Variants in CCSER1 observed in about 807,000 individuals in gnomAD.
The protein encoded by CCSER1 is coiled-coil serine rich protein 1, also known as serine-rich coiled-coil domain-containing protein 1.
Under a neutral mutation model 82.0 loss-of-function variants are expected in CCSER1, and 41 were observed. The observed-to-expected ratio is 0.50, with a 90% confidence interval of 0.39 to 0.65. CCSER1 has a LOEUF of 0.65. Among genes scored for constraint, CCSER1 ranks in the 30% least tolerant of loss-of-function variants. The pLI is 0.00. For missense variants in CCSER1, 1,119 were observed against 1,064.2 expected (o/e 1.05, Z -0.72); for synonymous variants, 414 against 383.9 (o/e 1.08, Z -0.92).
At chr4:90,235,060 T>G (rs1053321837) in intron 1 of CCSER1, 1 of 152,136 alleles carries the variant, frequency 6.6e-6, no homozygotes, top group African/African-American at 2.4e-5. Context: ...CTGTGTATGC[T>G]CGAGGTGCAG....
intron 10 of CCSER1, among the ~76,000 whole-genome samples, chr4:91,177,723 G>A (rs756956561): frequency 4.5e-4 from 69 of 151,868 alleles, no homozygotes; most frequent in Non-Finnish European, 9.3e-4. Flanking sequence ...TTCTTTATTA[G>A]TCTTAGCAGT....
chr4:90,797,652 T>A lies in CCSER1; in HGVS notation c.2011-18110T>A, dbSNP rs138550622. 2.9e-3 allele frequency among the ~76,000 whole-genome samples: 445 copies of A among 152,348 alleles called. 4 individuals are homozygous for A. The highest frequency in any genetic ancestry group is 0.01 in the African/African-American group (433 of 41,586). On this transcript the variant is annotated intron_variant, in intron 7 of 10. Coordinates refer to ENST00000509176, the MANE Select transcript of CCSER1 (RefSeq NM_001145065.2). ...TATTTAGTGCTTCCTTCAGGAGCTC[T>A]TGTAAGGCAAGTCTGGTGGTAACAA...
chr4:91,041,202 A>G (rs1454553450), intron 9 of CCSER1, among the ~76,000 whole-genome samples: 1 of 152,160 alleles, frequency 6.6e-6, no homozygotes, highest in Non-Finnish European at 1.5e-5. Context: ...TGGCACCATC[A>G]GTCATGACAT....
intron 6 of CCSER1, among the ~76,000 whole-genome samples, chr4:90,631,950 C>G (rs756365888): frequency 6.6e-6 from 1 of 152,082 alleles, no homozygotes; most frequent in Non-Finnish European, 1.5e-5. Context: ...CAAGACATCT[C>G]ATAAGGTATA....
chr4:91,385,513 G>A (rs185830838), intron 10 of CCSER1, among the ~76,000 whole-genome samples: 22 of 151,848 alleles, frequency 1.4e-4, no homozygotes, highest in African/African-American at 5.3e-4. Context: ...TTTAGATGGA[G>A]GTTAATGTTT....
At chr4:91,487,056 A>G (rs1758261224) in intron 10 of CCSER1, among the ~76,000 whole-genome samples, 1 of 152,074 alleles carries the variant, frequency 6.6e-6, no homozygotes, top group South Asian at 2.1e-4. Context: ...AATGGCATAT[A>G]GGCCATTATT....
At chr4:90,624,379 A>T (rs758259571) in intron 5 of CCSER1, among the ~76,000 whole-genome samples, 11 of 151,334 alleles carry the variant, frequency 7.3e-5, no homozygotes, top group South Asian at 2.1e-4. Context: ...ACCCAATGAT[A>T]CTACTTAGTT....
intron 8 of CCSER1, among the ~76,000 whole-genome samples, chr4:90,885,189 G>A (rs1721940949): frequency 6.6e-6 from 1 of 151,976 alleles, no homozygotes; most frequent in Non-Finnish European, 1.5e-5. Flanking sequence ...ACAAACTGCA[G>A]TGCATTTATA....
chr4:90,469,991 A>G (rs901029849), intron 5 of CCSER1, among the ~76,000 whole-genome samples: 1 of 152,194 alleles, frequency 6.6e-6, no homozygotes, highest in African/African-American at 2.4e-5. Context: ...TTAACACTCA[A>G]AAAGTTTCAG....
At chr4:90,780,896 G>A in intron 7 of CCSER1, 2 of 663,458 alleles carry the variant, frequency 3.0e-6, no homozygotes, top group Non-Finnish European at 3.7e-6. Context: ...TATAAGAAAA[G>A]GGGTATAATT....
At chr4:90,651,688 T>A (rs199851095) in intron 6 of CCSER1, among the ~76,000 whole-genome samples, 1 of 149,482 alleles carries the variant, frequency 6.7e-6, no homozygotes. Flanking sequence ...AAAGTATAAT[T>A]AAAAAAAAAA....
intron 10 of CCSER1, among the ~76,000 whole-genome samples, chr4:91,371,083 G>C (rs530645029): frequency 2.6e-5 from 4 of 152,018 alleles, no homozygotes; most frequent in African/African-American, 9.7e-5. Flanking sequence ...GGCTTATCTC[G>C]AACTCCTGAC....
At chr4:90,234,409 G>T (rs1451684172) in intron 1 of CCSER1, among the ~76,000 whole-genome samples, 1 of 152,128 alleles carries the variant, frequency 6.6e-6, no homozygotes, top group Non-Finnish European at 1.5e-5. Flanking sequence ...TAGAGATGAG[G>T]TTTCACTACG....
intron 6 of CCSER1, among the ~76,000 whole-genome samples, chr4:90,674,531 A>T (rs1164597108): frequency 2.6e-5 from 4 of 151,992 alleles, no homozygotes; most frequent in African/African-American, 4.8e-5. Context: ...GGGAAGAAAC[A>T]ATCCTGCCAC....
chr4:90,649,188 A>G (rs1007761913), intron 6 of CCSER1, among the ~76,000 whole-genome samples: 6 of 152,216 alleles, frequency 3.9e-5, no homozygotes, highest in South Asian at 2.1e-4. Context: ...ATATTAGAAT[A>G]AAGTTTATTG....
At chr4:91,508,454 C>G (rs75116768) in intron 10 of CCSER1, among the ~76,000 whole-genome samples, 16,358 of 151,494 alleles carry the variant, frequency 0.11, 1,023 homozygotes, top group Middle Eastern at 0.2. Context: ...GGAAATCCCA[C>G]CTGTTCCTGA....
chr4:90,563,160 G>C (rs1208842421), intron 5 of CCSER1, among the ~76,000 whole-genome samples: 2 of 151,822 alleles, frequency 1.3e-5, no homozygotes, highest in Non-Finnish European at 2.9e-5. Flanking sequence ...TAGCCAGGCT[G>C]GAGTGCAGTG....
intron 9 of CCSER1, among the ~76,000 whole-genome samples, chr4:91,059,443 G>A (rs1263736078): frequency 8.4e-6 from 1 of 119,024 alleles, no homozygotes; most frequent in Non-Finnish European, 1.8e-5. Context: ...TTATTTGTAT[G>A]CTTTATTAAG....
intron 10 of CCSER1, among the ~76,000 whole-genome samples, chr4:91,505,402 C>G (rs1196562222): frequency 6.6e-6 from 1 of 152,194 alleles, no homozygotes; most frequent in Non-Finnish European, 1.5e-5. Context: ...CTGCAATGAA[C>G]ATATGCGTGC....
Sources: gnomAD v4.1 joint callset for allele counts (sites outside exome capture counted in the v4.1 genomes callset) on GRCh38, gnomAD v4.1.1 for gene constraint, MANE v1.5 for transcripts, NCBI Gene and HGNC (gene_info 2026-07-23, HGNC 2026-07-21) for gene names.